Variants in AKR1C3 observed in about 807,000 individuals in gnomAD.
The protein encoded by AKR1C3 is 3-alpha hydroxysteroid dehydrogenase, type II.
A neutral mutation model predicts 43.6 loss-of-function variants in AKR1C3; 48 were observed. The observed-to-expected ratio is 1.10, with a 90% CI of 0.87 to 1.40. The LOEUF is 1.40. Ranked by LOEUF, AKR1C3 falls within the 40% of genes most tolerant of loss-of-function variation. The pLI is 0.00. For synonymous variants in AKR1C3, 162 were observed against 139.6 expected, an observed-to-expected ratio of 1.16 and a Z score of -1.13; for missense variants, 482 against 391.2, an observed-to-expected ratio of 1.23 and a Z score of -1.96.
intron 5 of AKR1C3, among the ~76,000 whole-genome samples, chr10:5,100,966 C>T (rs1249059018): frequency 6.6e-6 from 1 of 152,142 alleles, no homozygotes; most frequent in Non-Finnish European, 1.5e-5. Flanking sequence ...GGAAAGATGA[C>T]AATTCACCTC....
chr10:5,105,693 A>C lies in AKR1C3; in HGVS notation c.929+16A>C. ...ACAGTGATAGGTAAGTTTCCTTTGT[A>C]AATGGGTGATCTAATTTATTTCTGG... On this transcript the variant is annotated intron_variant, in intron 8 of 8. Transcript: ENST00000380554. The C allele has an allele frequency of 6.3e-7, 1 of 1,585,824 alleles. No individual in the cohort carries two copies. The highest frequency in any genetic ancestry group is 8.7e-7 in the Non-Finnish European group (1 of 1,155,400).
At chr10:5,074,879 G>C (rs1235651218) in intron 1 of AKR1C3, among the ~76,000 whole-genome samples, 2 of 152,088 alleles carry the variant, frequency 1.3e-5, no homozygotes, top group African/African-American at 4.8e-5. Flanking sequence ...ACCCCATTTT[G>C]TCTGTGTTAT....
At position 5,098,789 on chromosome 10, in the gene AKR1C3, G is replaced by T. The variant is rs547513650; in HGVS notation, c.370-13G>T. The T allele has an allele frequency of 1.9e-6, 3 of 1,610,930 alleles. No homozygotes were observed. In the South Asian group the frequency reaches 3.3e-5, roughly 18 times the overall value. On this transcript the variant is annotated splice_polypyrimidine_tract_variant and intron_variant, in intron 3 of 8. Transcript: ENST00000380554. The stretch of plus-strand genomic sequence containing the variant: ...AATTTGTGACATCATTAAAATGACT[G>T]CTTCTATTTCAGCCAGGTGAGGAAC...
At chr10:5,058,891 G>C (rs4881387) in intron 1 of AKR1C3, among the ~76,000 whole-genome samples, 1 of 151,738 alleles carries the variant, frequency 6.6e-6, no homozygotes, top group Admixed American at 6.5e-5. Flanking sequence ...TCAAAAACCC[G>C]TTAGAGTCCT....
chr10:5,090,029 C>A (rs1012873431), upstream of AKR1C3, among the ~76,000 whole-genome samples: 3 of 152,012 alleles, frequency 2.0e-5, no homozygotes, highest in Non-Finnish European at 4.4e-5. Context: ...CATTGAGTTG[C>A]GCAGTTCAAT....
chr10:5,102,779 T>G (rs1004121155), intron 7 of AKR1C3, 129 bp downstream of exon 7: 2 of 1,491,194 alleles, frequency 1.3e-6, no homozygotes. Flanking sequence ...ATGCTTTGCG[T>G]GCATCCTGAG....
chr10:5,107,187 T>C (rs1245448190), intron 8 of AKR1C3, among the ~76,000 whole-genome samples: 1 of 152,228 alleles, frequency 6.6e-6, no homozygotes, highest in Non-Finnish European at 1.5e-5. Context: ...AATCAGAGTA[T>C]CTCTGCTCTG....
At chr10:5,074,398 C>A (rs1210832055) in intron 1 of AKR1C3, among the ~76,000 whole-genome samples, 1 of 152,156 alleles carries the variant, frequency 6.6e-6, no homozygotes, top group Non-Finnish European at 1.5e-5. Flanking sequence ...GCAGGAAATA[C>A]AAGAACAGCT....
At chr10:5,060,420 A>C (rs569328295) in intron 1 of AKR1C3, among the ~76,000 whole-genome samples, 8 of 152,188 alleles carry the variant, frequency 5.3e-5, no homozygotes, top group Non-Finnish European at 1.0e-4. Flanking sequence ...CTAGACACAA[A>C]GGTTCTCCAA....
intron 5 of AKR1C3, 60 bp from the exon 6 acceptor site, chr10:5,102,041 T>C: frequency 9.2e-7 from 1 of 1,088,576 alleles, no homozygotes; most frequent in East Asian, 2.4e-5. Context: ...CTTTCATCTT[T>C]TCAATATTAA....
chr10:5,053,262 GT>G (rs1256184485), intron 1 of AKR1C3, among the ~76,000 whole-genome samples: 34 of 152,364 alleles, frequency 2.2e-4, no homozygotes, highest in African/African-American at 7.9e-4. Context: ...CTCAGGCATG[GT>G]GGGCTGCAGG....
intron 1 of AKR1C3, among the ~76,000 whole-genome samples, chr10:5,083,820 G>A (rs1588346177): frequency 2.0e-5 from 3 of 152,158 alleles, no homozygotes; most frequent in Admixed American, 1.3e-4. Flanking sequence ...GTATTTCTCT[G>A]ATGGCCAGTG....
chr10:5,090,221 C>G (rs1178469794), upstream of AKR1C3, among the ~76,000 whole-genome samples: 13 of 152,086 alleles, frequency 8.5e-5, no homozygotes, highest in African/African-American at 3.1e-4. Flanking sequence ...CTGGGTAGAG[C>G]TGGAGTAGCT....
Position 5,105,577 on chromosome 10 carries a change from G to GT in AKR1C3, c.847-12dup, listed in dbSNP as rs782262767. The GT allele has an allele frequency of 5.0e-6, 8 of 1,599,108 alleles. No individual in the cohort carries two copies. Among genetic ancestry groups the GT allele is most frequent in the East Asian group, 2.2e-5 (1 of 44,688 alleles). ...AACTGGCAATCTAAAAATAATAAAAGTTTTTTATTTCTGATAGGTTTTTGA... is the reference window on the plus strand; with the variant it reads ...AACTGGCAATCTAAAAATAATAAAAGTTTTTTTATTTCTGATAGGTTTTTGA... On this transcript the variant is annotated splice_polypyrimidine_tract_variant and intron_variant, in intron 7 of 8. Coordinates refer to ENST00000380554, the MANE Select transcript of AKR1C3 (RefSeq NM_003739.6).
At chr10:5,103,886 C>T (rs1211864628) in intron 7 of AKR1C3, among the ~76,000 whole-genome samples, 1 of 151,880 alleles carries the variant, frequency 6.6e-6, no homozygotes, top group African/African-American at 2.4e-5. Flanking sequence ...GGAAGTGTTT[C>T]TTATTAATCT....
intron 1 of AKR1C3, among the ~76,000 whole-genome samples, chr10:5,051,636 T>G (rs1838156364): frequency 1.3e-5 from 2 of 152,132 alleles, no homozygotes; most frequent in Non-Finnish European, 2.9e-5. Context: ...TCAGTCTTGC[T>G]GGACACCCTG....
chr10:5,060,150 C>A (rs1838351808), intron 1 of AKR1C3, among the ~76,000 whole-genome samples: 1 of 152,070 alleles, frequency 6.6e-6, no homozygotes, highest in Non-Finnish European at 1.5e-5. Flanking sequence ...GGTGTTACAG[C>A]TCATAAAGGC....
In AKR1C3 at chr10:5,107,666, A is replaced by AT; in HGVS notation, c.*168dup. 1 of 563,508 alleles carries AT rather than the reference A, an allele frequency of 1.8e-6. No homozygotes were observed. Among genetic ancestry groups the AT allele is most frequent in the Non-Finnish European group, 3.1e-6 (1 of 318,210 alleles). 34.9% of individuals were successfully genotyped at this position (563,508 alleles called of 1,614,324 possible). A position where few individuals can be genotyped will look rare whatever the true frequency, so the allele number is the denominator to read the frequency against. ...AGTCCATAGGCCAGAAAGACAATAA[A>AT]TTTTTATCATTTTGAAATAATTGAA... is the stretch of plus-strand genomic sequence containing the variant. On this transcript the variant is annotated 3_prime_UTR_variant, in exon 9 of 9. Transcript: ENST00000380554.
At chr10:5,066,624 T>C (rs1554780824) in intron 1 of AKR1C3, among the ~76,000 whole-genome samples, 4 of 152,182 alleles carry the variant, frequency 2.6e-5, no homozygotes, top group Non-Finnish European at 5.9e-5. Context: ...AGTATGGTGC[T>C]CATCGAAGGT....
Sources: gnomAD v4.1 joint callset for allele counts (sites outside exome capture counted in the v4.1 genomes callset) on GRCh38, gnomAD v4.1.1 for gene constraint, MANE v1.5 for transcripts, NCBI Gene and HGNC (gene_info 2026-07-23, HGNC 2026-07-21) for gene names.